Variants in SYNCRIP observed in about 807,000 individuals in gnomAD.
SYNCRIP encodes the protein heterogeneous nuclear ribonucleoprotein Q.
A neutral mutation model predicts 68.9 loss-of-function variants in SYNCRIP; 9 were observed. That is an observed-to-expected ratio of 0.13 (90% confidence interval 0.08 to 0.23). The LOEUF (loss-of-function observed/expected upper bound fraction) is 0.23. Among genes scored for constraint, SYNCRIP ranks in the 10% least tolerant of loss-of-function variants. The pLI, the probability that SYNCRIP is intolerant of heterozygous loss-of-function variation, is 1.00. For missense variants in SYNCRIP, 414 were observed against 770.6 expected (o/e 0.54, Z 5.48); for synonymous variants, 258 against 254.0 (o/e 1.02, Z -0.15).
At chr6:85,609,683 T>C (rs750679678), downstream of SYNCRIP, 4 of 151,952 alleles carry the variant, frequency 2.6e-5, no homozygotes, top group Non-Finnish European at 5.9e-5. Context: ...TTCTGAAAAC[T>C]GATAACCTAA....
intron 6 of SYNCRIP, among the ~76,000 whole-genome samples, chr6:85,630,365 A>C (rs1010527992): frequency 1.3e-5 from 2 of 152,102 alleles, no homozygotes; most frequent in African/African-American, 4.8e-5. Flanking sequence ...CATCTCAAAA[A>C]CAAACAAACA....
chr6:85,643,849 G>T (rs1016390682), upstream of SYNCRIP: 2 of 152,176 alleles, frequency 1.3e-5, no homozygotes, highest in Non-Finnish European at 2.9e-5. Flanking sequence ...CTCCTCCTCG[G>T]GAAGCTGCAG....
chr6:85,627,225 G>A (rs566526924), intron 6 of SYNCRIP, among the ~76,000 whole-genome samples: 3 of 143,974 alleles, frequency 2.1e-5, no homozygotes, highest in African/African-American at 2.6e-5. Flanking sequence ...CCCAGATCGC[G>A]CCACTGCACT....
At chr6:85,636,433 T>C (rs550897035) in intron 6 of SYNCRIP, among the ~76,000 whole-genome samples, 13 of 151,724 alleles carry the variant, frequency 8.6e-5, no homozygotes, top group African/African-American at 3.1e-4. Context: ...AGAGAGAAAC[T>C]TGGTCTCAAA....
chr6:85,623,595 G>A lies in SYNCRIP; in HGVS notation c.802+382C>T, dbSNP rs563328990. Among the ~76,000 whole-genome samples, 9 of 95,194 alleles carry A rather than the reference G, an allele frequency of 9.5e-5. No individual in the cohort carries two copies. In the East Asian group the frequency reaches 1.9e-3, roughly 20 times the overall value. The allele number at this position is 95,194 out of a possible 152,430, so 62.5% of individuals were successfully genotyped here. Reference sequence around the variant, plus strand: ...AAAAAAAAAAAAAACACTCTGCTACGGCAATACTTACTACTCCTGTAATTT... The same window carrying A: ...AAAAAAAAAAAAAACACTCTGCTACAGCAATACTTACTACTCCTGTAATTT... On this transcript the variant is annotated intron_variant, in intron 7 of 10. Coordinates refer to ENST00000369622, the MANE Select transcript of SYNCRIP (RefSeq NM_006372.5).
Position 85,641,151 on chromosome 6 carries a change from C to T in SYNCRIP, c.148+141G>A, listed in dbSNP as rs964585023. 3 of 672,146 alleles carry T rather than the reference C, an allele frequency of 4.5e-6. No individual in the cohort carries two copies. The African/African-American group carries it at 5.4e-5, about 12-fold the overall frequency. The allele number at this position is 672,146 out of a possible 1,614,324, so 41.6% of individuals were successfully genotyped here. A position where few individuals can be genotyped will look rare whatever the true frequency, so the allele number is the denominator to read the frequency against. On this transcript the variant is annotated intron_variant, in intron 2 of 10. Coordinates refer to ENST00000369622, the MANE Select transcript of SYNCRIP (RefSeq NM_006372.5). Reference sequence around the variant, plus strand: ...TATACATCTTAACCTCTACTTCAAACTTAAATTAACCAACTATCACAACAA... The same window carrying T: ...TATACATCTTAACCTCTACTTCAAATTTAAATTAACCAACTATCACAACAA...
At chr6:85,608,113 C>G (rs1010350833), downstream of SYNCRIP, 3 of 151,992 alleles carry the variant, frequency 2.0e-5, no homozygotes, top group African/African-American at 7.2e-5. Flanking sequence ...AAATTAAGAC[C>G]AGCCTAATAC....
rs1583238475 is a variant in SYNCRIP at position 85,614,620 on chromosome 6, T to C, written c.*136A>G. On this transcript the variant is annotated 3_prime_UTR_variant, in exon 11 of 11. Transcript: ENST00000369622. ...AGTTAGAAGTGTGGCTTTGTTCGTG[T>C]CCAAGCGGATTGTTAAAATATATAC... The C allele has an allele frequency of 1.5e-6, 2 of 1,338,692 alleles. No individual in the cohort carries two copies. Among genetic ancestry groups the C allele is most frequent in the East Asian group, 2.9e-5 (1 of 34,496 alleles). The allele number at this position is 1,338,692 out of a possible 1,614,324, so 82.9% of individuals were successfully genotyped here. A position where few individuals can be genotyped will look rare whatever the true frequency, so the allele number is the denominator to read the frequency against.
At chr6:85,625,164 C>T (rs937772654) in intron 6 of SYNCRIP, among the ~76,000 whole-genome samples, 2 of 152,128 alleles carry the variant, frequency 1.3e-5, no homozygotes, top group Non-Finnish European at 2.9e-5. Context: ...TAATAAAGTT[C>T]AAATACCATA....
Position 85,618,951 on chromosome 6 carries a change from AG to A in SYNCRIP, c.1159-13del, listed in dbSNP as rs1806083181. ...ATTTCTTCCATAGCCTTAAAAAATT[AG>A]ATAAGTCAATATAAAAATAGGACTT... On this transcript the variant is annotated splice_polypyrimidine_tract_variant and intron_variant, in intron 9 of 10. Transcript: ENST00000369622. The A allele has an allele frequency of 2.5e-6, 4 of 1,597,138 alleles. No individual in the cohort carries two copies. The highest frequency in any genetic ancestry group is 1.7e-5 in the Admixed American group (1 of 57,508).
intron 1 of SYNCRIP, among the ~76,000 whole-genome samples, 188 bp downstream of exon 1, chr6:85,642,609 G>A (rs1409200620): frequency 6.6e-6 from 1 of 152,214 alleles, no homozygotes; most frequent in Non-Finnish European, 1.5e-5. Flanking sequence ...AACCGCAGCA[G>A]CACATGGAAA....
At chr6:85,639,670 A>C (rs1259230131) in intron 4 of SYNCRIP, among the ~76,000 whole-genome samples, 1 of 152,200 alleles carries the variant, frequency 6.6e-6, no homozygotes, top group Non-Finnish European at 1.5e-5. Context: ...TATCAAAACC[A>C]AGCTGAATTT....
chr6:85,637,714 A>G (rs1346376566), intron 4 of SYNCRIP, among the ~76,000 whole-genome samples: 1 of 152,220 alleles, frequency 6.6e-6, no homozygotes, highest in South Asian at 2.1e-4. Flanking sequence ...TTGGTTGAGC[A>G]TCTTTCAAAT....
At chr6:85,618,190 T>C (rs1272393598) in intron 10 of SYNCRIP, among the ~76,000 whole-genome samples, 3 of 152,142 alleles carry the variant, frequency 2.0e-5, no homozygotes, top group African/African-American at 7.2e-5. Flanking sequence ...ATTAAGATAT[T>C]TGGACAGCTA....
intron 9 of SYNCRIP, 90 bp from the exon 10 acceptor site, chr6:85,619,029 G>C: frequency 7.3e-7 from 1 of 1,364,276 alleles, no homozygotes; most frequent in East Asian, 2.3e-5. Flanking sequence ...CATTAATGTG[G>C]GAAGGACAAG....
rs199564722 is a variant in SYNCRIP, at chr6:85,618,950, T to G, written c.1159-11A>C. ...CATTTCTTCCATAGCCTTAAAAAATTAGATAAGTCAATATAAAAATAGGAC... is the reference window on the plus strand; with the variant it reads ...CATTTCTTCCATAGCCTTAAAAAATGAGATAAGTCAATATAAAAATAGGAC... On this transcript the variant is annotated splice_polypyrimidine_tract_variant and intron_variant, in intron 9 of 10. Coordinates refer to ENST00000369622, the MANE Select transcript of SYNCRIP (RefSeq NM_006372.5). 10 of 1,598,010 alleles carry G rather than the reference T, an allele frequency of 6.3e-6. No individual in the cohort carries two copies. The highest frequency in any genetic ancestry group is 7.7e-6 in the Non-Finnish European group (9 of 1,172,274).
chr6:85,622,001 A>G (rs1198555394), intron 8 of SYNCRIP, among the ~76,000 whole-genome samples: 2 of 148,746 alleles, frequency 1.3e-5, no homozygotes, highest in Non-Finnish European at 2.9e-5. Flanking sequence ...TTGCAGGCAC[A>G]TGGTATTTCC....
intron 4 of SYNCRIP, among the ~76,000 whole-genome samples, chr6:85,638,233 C>CGTG (rs1369952884): frequency 6.6e-6 from 1 of 151,802 alleles, no homozygotes; most frequent in Non-Finnish European, 1.5e-5. Flanking sequence ...ATTAGCCAGG[C>CGTG]GTGGTGGCAC....
At chr6:85,643,338 T>C (rs1464383902), upstream of SYNCRIP, 2 of 152,322 alleles carry the variant, frequency 1.3e-5, no homozygotes, top group Non-Finnish European at 2.9e-5. Flanking sequence ...CGTGACAACG[T>C]AGCCTACGCC....
Sources: gnomAD v4.1 joint callset for allele counts (sites outside exome capture counted in the v4.1 genomes callset) on GRCh38, gnomAD v4.1.1 for gene constraint, MANE v1.5 for transcripts, NCBI Gene and HGNC (gene_info 2026-07-23, HGNC 2026-07-21) for gene names.